The following LOXL2 variants were observed in gnomAD, a reference collection of about 807,000 sequenced individuals.
The protein encoded by LOXL2 is lysyl oxidase like 2.
In LOXL2, 70 loss-of-function variants were observed where a neutral mutation model predicts 93.0. That is an observed-to-expected ratio of 0.75 (90% CI 0.62 to 0.92). The LOEUF (loss-of-function observed/expected upper bound fraction) is 0.92. Among genes scored for constraint, LOXL2 ranks in the 40% least tolerant of loss-of-function variants. The pLI, the probability that LOXL2 is intolerant of heterozygous loss-of-function variation, is 0.00. For synonymous variants in LOXL2, 438 were observed against 413.2 expected (o/e 1.06, Z -0.73); for missense variants, 973 against 1,054.9 (o/e 0.92, Z 1.08).
chr8:23,383,225 T>C (rs2117228046), intron 1 of LOXL2, among the ~76,000 whole-genome samples: 1 of 152,278 alleles, frequency 6.6e-6, no homozygotes, highest in Middle Eastern at 3.4e-3. Flanking sequence ...GTTGGGTGTC[T>C]TGGAATCAGA....
At chr8:23,395,317 CAAAAA>C (rs111889384) in intron 1 of LOXL2, among the ~76,000 whole-genome samples, 1 of 82,054 alleles carries the variant, frequency 1.2e-5, no homozygotes, top group Non-Finnish European at 2.5e-5. Flanking sequence ...AAAGCCAGAC[CAAAAA>C]AAAAAAAAAA....
intron 10 of LOXL2, among the ~76,000 whole-genome samples, chr8:23,305,539 T>TC (rs1017189388): frequency 2.9e-5 from 4 of 138,416 alleles, no homozygotes; most frequent in African/African-American, 1.1e-4. Context: ...ACCCACCCAT[T>TC]CCCCCCAGGA....
At chr8:23,348,596 G>C (rs769403498) in intron 3 of LOXL2, among the ~76,000 whole-genome samples, 1 of 151,660 alleles carries the variant, frequency 6.6e-6, no homozygotes, top group Non-Finnish European at 1.5e-5. Context: ...CAGTGGCCTC[G>C]GCCGGGTGCG....
At chr8:23,301,108 C>G (rs758719201) in intron 12 of LOXL2, among the ~76,000 whole-genome samples, 32 of 152,324 alleles carry the variant, frequency 2.1e-4, no homozygotes, top group Non-Finnish European at 8.8e-5. Flanking sequence ...GGGCCAGGCC[C>G]TGGGCTGGCT....
At chr8:23,372,278 C>T (rs929553313) in intron 1 of LOXL2, among the ~76,000 whole-genome samples, 53 of 150,406 alleles carry the variant, frequency 3.5e-4, no homozygotes, top group East Asian at 2.0e-4. Flanking sequence ...TGTGCAGTGG[C>T]GCGATCTCAG....
At chr8:23,318,174 T>G (rs1186419448) in intron 8 of LOXL2, among the ~76,000 whole-genome samples, 4 of 66,066 alleles carry the variant, frequency 6.1e-5, no homozygotes, top group Admixed American at 1.5e-4. Flanking sequence ...TCTTAAGGGG[T>G]AAAAAAAAAA....
At position 23,318,056 on chromosome 8, in the gene LOXL2, GC is replaced by G. The variant is rs1803430896; in HGVS notation, c.1471-943del. On this transcript the variant is annotated intron_variant, in intron 8 of 13. Coordinates refer to ENST00000389131, the MANE Select transcript of LOXL2 (RefSeq NM_002318.3). ...TATTTGGTCAAACACTATTCTAGAT[GC>G]TTACGTGAGGCTGTTTTTAGATGAG... Among the ~76,000 whole-genome samples, 3 of 131,846 alleles carry G rather than the reference GC, an allele frequency of 2.3e-5. No individual in the cohort carries two copies. In the South Asian group the frequency reaches 8.2e-4, roughly 36 times the overall value. The allele number at this position is 131,846 out of a possible 152,430, so 86.5% of individuals were successfully genotyped here. A position where few individuals can be genotyped will look rare whatever the true frequency, so the allele number is the denominator to read the frequency against.
intron 2 of LOXL2, among the ~76,000 whole-genome samples, chr8:23,361,429 C>T (rs1804289095): frequency 1.3e-5 from 2 of 152,196 alleles, no homozygotes; most frequent in South Asian, 4.1e-4. Flanking sequence ...CGCCAAGGGA[C>T]TCTGCTTACC....
chr8:23,311,541 T>C (rs1374749239), intron 9 of LOXL2, among the ~76,000 whole-genome samples: 2 of 152,196 alleles, frequency 1.3e-5, no homozygotes, highest in African/African-American at 4.8e-5. Flanking sequence ...TCCCGCCAGC[T>C]CGCAAGGCGA....
At chr8:23,353,140 G>A (rs570454109) in intron 3 of LOXL2, among the ~76,000 whole-genome samples, 2 of 152,264 alleles carry the variant, frequency 1.3e-5, no homozygotes, top group South Asian at 2.1e-4. Flanking sequence ...ACTGGGCAAC[G>A]TGCGGAGCAG....
chr8:23,361,659 G>A (rs1044721061), intron 2 of LOXL2, among the ~76,000 whole-genome samples: 1 of 152,070 alleles, frequency 6.6e-6, no homozygotes, highest in Admixed American at 6.6e-5. Context: ...TGGCCAACAT[G>A]GTGAAACCCC....
At chr8:23,345,748 G>A (rs1803961501) in intron 3 of LOXL2, among the ~76,000 whole-genome samples, 2 of 151,856 alleles carry the variant, frequency 1.3e-5, no homozygotes, top group African/African-American at 4.8e-5. Context: ...TTTTTTAAAT[G>A]AAAGGCAGTC....
At chr8:23,375,214 A>G (rs1804568787) in intron 1 of LOXL2, among the ~76,000 whole-genome samples, 1 of 152,118 alleles carries the variant, frequency 6.6e-6, no homozygotes, top group Non-Finnish European at 1.5e-5. Flanking sequence ...TCCTTTCCCC[A>G]TTTCTTGTTT....
rs184679928 is a variant in LOXL2, at chr8:23,309,533, C to G, written c.1880+135G>C. On this transcript the variant is annotated intron_variant, in intron 10 of 13. Transcript: ENST00000389131. ...AGCCAGTGTGGCAGATGCAAGCCCCCCACTTAGGAGGATCCTATCCCCAGG... is the reference window on the plus strand; with the variant it reads ...AGCCAGTGTGGCAGATGCAAGCCCCGCACTTAGGAGGATCCTATCCCCAGG... The G allele has an allele frequency of 9.1e-4, 976 of 1,067,520 alleles. 4 individuals carry two copies. Among genetic ancestry groups the G allele is most frequent in the Non-Finnish European group, 9.5e-4 (775 of 816,278 alleles). 66.1% of individuals were successfully genotyped at this position (1,067,520 alleles called of 1,614,324 possible).
chr8:23,368,069 C>T lies in LOXL2; in HGVS notation c.283G>A (p.Val95Ile), dbSNP rs563176482. ...DDDFSIHAAHVVCRELGYVEA... is the reference protein window; with the variant it reads ...DDDFSIHAAHIVCRELGYVEA... ...ACGTAGCCCAGCTCCCGGCAGACGA[C>T]GTGGGCAGCGTGGATGGAGAAGTCG... is the stretch of plus-strand genomic sequence containing the variant. The change falls in exon 2 of 14, where the codon GTC becomes ATC. Residue 95 changes from valine to isoleucine, a missense_variant. Transcript: ENST00000389131. 3.8e-5 allele frequency: 61 copies of T among 1,614,072 alleles called. No individual in the cohort carries two copies. In the Middle Eastern group the frequency reaches 3.3e-3, roughly 87 times the overall value.
intron 4 of LOXL2, among the ~76,000 whole-genome samples, chr8:23,338,129 A>G (rs1213999796): frequency 6.6e-6 from 1 of 152,190 alleles, no homozygotes; most frequent in Non-Finnish European, 1.5e-5. Flanking sequence ...GCCTTTATAA[A>G]ACCATCAGGT....
intron 1 of LOXL2, among the ~76,000 whole-genome samples, chr8:23,399,483 T>C (rs1327657317): frequency 6.6e-6 from 1 of 152,128 alleles, no homozygotes; most frequent in Non-Finnish European, 1.5e-5. Flanking sequence ...TCGGTTATCA[T>C]GGGAAGGGAA....
chr8:23,378,747 G>C (rs1197195957), intron 1 of LOXL2, among the ~76,000 whole-genome samples: 3 of 152,190 alleles, frequency 2.0e-5, no homozygotes, highest in Non-Finnish European at 4.4e-5. Context: ...ACTGAAGCTT[G>C]TGCATTCGTC....
intron 11 of LOXL2, among the ~76,000 whole-genome samples, chr8:23,302,542 A>G (rs924378477): frequency 2.1e-5 from 3 of 145,752 alleles, no homozygotes; most frequent in Non-Finnish European, 4.4e-5. Context: ...AGGATCGGCA[A>G]TTAGAGTGTA....
Sources: gnomAD v4.1 joint callset for allele counts (sites outside exome capture counted in the v4.1 genomes callset) on GRCh38, gnomAD v4.1.1 for gene constraint, MANE v1.5 for transcripts, NCBI Gene and HGNC (gene_info 2026-07-23, HGNC 2026-07-21) for gene names.